ZNF141: variants seen among roughly 807,000 people sequenced by gnomAD.
ZNF141 encodes zinc finger protein 141 (clone pHZ-44).
ZNF141 carries 7 observed loss-of-function variants against 11.3 expected under a neutral mutation model. The observed-to-expected ratio is 0.62, with a 90% CI of 0.35 to 1.16. ZNF141 has a LOEUF of 1.16. Ranked by LOEUF, ZNF141 falls within the 50% of genes most tolerant of loss-of-function variation. The pLI, the probability that ZNF141 is intolerant of heterozygous loss-of-function variation, is 0.02. For synonymous variants in ZNF141, 183 were observed against 190.7 expected, an observed-to-expected ratio of 0.96 and a Z score of 0.33; for missense variants, 535 against 554.0, an observed-to-expected ratio of 0.97 and a Z score of 0.34.
At chr4:368,423 G>A (rs1469998091) in intron 3 of ZNF141, among the ~76,000 whole-genome samples, 1 of 151,996 alleles carries the variant, frequency 6.6e-6, no homozygotes. Flanking sequence ...TGTATTTTTA[G>A]TAGAGACAGG....
At chr4:371,787 G>A (rs1297442924) in intron 3 of ZNF141, among the ~76,000 whole-genome samples, 18 of 145,544 alleles carry the variant, frequency 1.2e-4, no homozygotes, top group African/African-American at 3.3e-4. Context: ...TGATCCACCC[G>A]CCTCAGCCTC....
At chr4:353,463 A>ATTTTTTT (rs782000820) in intron 3 of ZNF141, among the ~76,000 whole-genome samples, 1 of 135,444 alleles carries the variant, frequency 7.4e-6, no homozygotes, top group African/African-American at 2.9e-5. Flanking sequence ...TATTATTATT[A>ATTTTTTT]TTATTTTTTT....
chr4:343,079 C>T lies in ZNF141; in HGVS notation c.4-703C>T, dbSNP rs966330591. 3 of 415,252 alleles carry T rather than the reference C, an allele frequency of 7.2e-6. No homozygotes were observed. In the African/African-American group the frequency reaches 1.1e-4, roughly 15 times the overall value. 25.7% of individuals were successfully genotyped at this position (415,252 alleles called of 1,614,324 possible). A position where few individuals can be genotyped will look rare whatever the true frequency, so the allele number is the denominator to read the frequency against. ...TGATTAAAAAAGTATTTAAAAAGTTCCTTGCATGATTAAAAAAGTCCTTAT... is the reference window on the plus strand; with the variant it reads ...TGATTAAAAAAGTATTTAAAAAGTTTCTTGCATGATTAAAAAAGTCCTTAT... On this transcript the variant is annotated intron_variant, in intron 1 of 3. Coordinates refer to ENST00000240499, the MANE Select transcript of ZNF141 (RefSeq NM_003441.4).
At position 383,114 on chromosome 4, in the gene ZNF141, C is replaced by G. The variant is rs1192158628; in HGVS notation, c.*9252C>G. On this transcript the variant is annotated 3_prime_UTR_variant, in exon 4 of 4. Transcript: ENST00000240499. Reference sequence around the variant, plus strand: ...TTTCAGAATTCTTCCATCTCTATGACAACAAGCCCATTTTAGCTTTCTGGA... The same window carrying G: ...TTTCAGAATTCTTCCATCTCTATGAGAACAAGCCCATTTTAGCTTTCTGGA... The G allele has an allele frequency of 5.7e-6, 4 of 700,572 alleles. No individual in the cohort carries two copies. The highest frequency in any genetic ancestry group is 5.3e-5 in the African/African-American group (3 of 57,086). 43.4% of individuals were successfully genotyped at this position (700,572 alleles called of 1,614,324 possible).
chr4:379,546 T>G lies in ZNF141; in HGVS notation c.*5684T>G, dbSNP rs1015625835. ...TGCACCACCATGCCTGGCTAATTTT[T>G]ATATTGTTAGTAGAGATGCGGTTTG... On this transcript the variant is annotated 3_prime_UTR_variant, in exon 4 of 4. Transcript: ENST00000240499. 6.6e-6 allele frequency among the ~76,000 whole-genome samples: 1 copy of G among 152,140 alleles called. No homozygotes were observed. The highest frequency in any genetic ancestry group is 1.9e-4 in the East Asian group (1 of 5,166).
rs1332114919 is a variant in ZNF141 at position 380,265 on chromosome 4, T to A, written c.*6403T>A. On this transcript the variant is annotated 3_prime_UTR_variant, in exon 4 of 4. Transcript: ENST00000240499. ...AACTCACGTGATGAGAAGATATTTC[T>A]GTATTAAAGCATGTATTGGAATTCC... Among the ~76,000 whole-genome samples, 1 of 152,244 alleles carries A rather than the reference T, an allele frequency of 6.6e-6. No individual in the cohort carries two copies. Among genetic ancestry groups the A allele is most frequent in the African/African-American group, 2.4e-5 (1 of 41,468 alleles).
chr4:351,756 A>T (rs1305257618), intron 3 of ZNF141, among the ~76,000 whole-genome samples: 4 of 152,126 alleles, frequency 2.6e-5, no homozygotes, highest in Non-Finnish European at 5.9e-5. Context: ...GGTCATCAAT[A>T]GCCCCGTAAT....
intron 3 of ZNF141, among the ~76,000 whole-genome samples, chr4:367,767 G>A (rs546341222): frequency 3.9e-5 from 6 of 152,048 alleles, no homozygotes; most frequent in East Asian, 3.9e-4. Flanking sequence ...TGTCCGCCAC[G>A]GCCTCCCAAC....
intron 1 of ZNF141, among the ~76,000 whole-genome samples, chr4:341,801 G>A (rs1721064575): frequency 6.6e-6 from 1 of 152,124 alleles, no homozygotes; most frequent in African/African-American, 2.4e-5. Context: ...CTCCAGAGCT[G>A]GTGCCCACAA....
Position 373,140 on chromosome 4 carries a change from A to G in ZNF141, c.703A>G (p.Ile235Val). 6.2e-7 allele frequency: 1 copy of G among 1,613,724 alleles called. No individual in the cohort carries two copies. Among genetic ancestry groups the G allele is most frequent in the Non-Finnish European group, 8.5e-7 (1 of 1,179,888 alleles). The change falls in exon 4 of 4, where the codon ATC (isoleucine) becomes GTC (valine). Residue 235 changes from isoleucine (I) to valine (V), a missense_variant. By Grantham distance (29) the Ile-to-Val change is conservative. Coordinates refer to ENST00000240499, the MANE Select transcript of ZNF141 (RefSeq NM_003441.4). ...KPFTCEECGS[I>V]FTTSSHFAKH... ...TTTTACTTGTGAAGAATGTGGCAGCATCTTTACCACATCCTCACACTTTGC... is the reference window on the plus strand; with the variant it reads ...TTTTACTTGTGAAGAATGTGGCAGCGTCTTTACCACATCCTCACACTTTGC...
Position 381,016 on chromosome 4 carries a change from C to T in ZNF141, c.*7154C>T, listed in dbSNP as rs187171016. On this transcript the variant is annotated 3_prime_UTR_variant, in exon 4 of 4. Transcript: ENST00000240499. ...AACAGCTTTCCTTTCAACTGTCCTT[C>T]ACCACCCCTTTAGCAATTCAGAATA... 2.0e-5 allele frequency among the ~76,000 whole-genome samples: 3 copies of T among 152,274 alleles called. No homozygotes were observed. Among genetic ancestry groups the T allele is most frequent in the Admixed American group, 6.5e-5 (1 of 15,294 alleles).
chr4:373,781 T>G lies in ZNF141; in HGVS notation c.1344T>G (p.Asp448Glu), dbSNP rs782639315. 27 of 1,613,922 alleles carry G rather than the reference T, an allele frequency of 1.7e-5. No individual in the cohort carries two copies. Among genetic ancestry groups the G allele is most frequent in the Non-Finnish European group, 8.5e-7 (1 of 1,179,962 alleles). ...AACATAAGAAAATTCATACTGTAGA[T>G]AAACCCTACAAATGTAAAGATTGTG... ...LSQHKKIHTV[D>E]KPYKCKDCDK... The change falls in exon 4 of 4, where the codon GAT becomes GAG. Residue 448 changes from aspartate to glutamate, a missense_variant. Physicochemically the swap from Asp to Glu is conservative, Grantham distance 45. Transcript: ENST00000240499.
At chr4:357,251 G>A (rs1721884640) in intron 3 of ZNF141, among the ~76,000 whole-genome samples, 1 of 152,052 alleles carries the variant, frequency 6.6e-6, no homozygotes, top group African/African-American at 2.4e-5. Flanking sequence ...ATCAGGCCCA[G>A]TCATTTCTTT....
intron 3 of ZNF141, among the ~76,000 whole-genome samples, chr4:353,997 G>C (rs1721734483): frequency 6.6e-6 from 1 of 152,192 alleles, no homozygotes; most frequent in South Asian, 2.1e-4. Context: ...GAGCACCTCT[G>C]CTTCTAGGGT....
chr4:367,315 T>C (rs1338843725), intron 3 of ZNF141, among the ~76,000 whole-genome samples: 4 of 152,216 alleles, frequency 2.6e-5, no homozygotes, highest in Admixed American at 2.6e-4. Context: ...AGTTGTTTAC[T>C]TGTTCTGTTT....
chr4:368,931 G>A (rs1581620775), intron 3 of ZNF141, among the ~76,000 whole-genome samples: 1 of 152,142 alleles, frequency 6.6e-6, no homozygotes, highest in Admixed American at 6.6e-5. Flanking sequence ...GACAGGGATT[G>A]CATTTAATCT....
In ZNF141 at chr4:350,318, C is replaced by G. The variant is rs1721535793; in HGVS notation, c.226+5888C>G. ...CTAACCATAGGCAAGCACCTTTCTACTTCTGCTTTCTATGTGCTTACTACT... is the reference window on the plus strand; with the variant it reads ...CTAACCATAGGCAAGCACCTTTCTAGTTCTGCTTTCTATGTGCTTACTACT... On this transcript the variant is annotated intron_variant, in intron 3 of 3. Coordinates refer to ENST00000240499, the MANE Select transcript of ZNF141 (RefSeq NM_003441.4). The G allele has an allele frequency of 8.9e-6, 4 of 449,106 alleles. No individual in the cohort carries two copies. In the Admixed American group the frequency reaches 1.0e-4, roughly 12 times the overall value. 27.8% of individuals were successfully genotyped at this position (449,106 alleles called of 1,614,324 possible).
intron 3 of ZNF141, among the ~76,000 whole-genome samples, chr4:352,622 A>G (rs1326871799): frequency 6.6e-6 from 1 of 152,076 alleles, no homozygotes; most frequent in Non-Finnish European, 1.5e-5. Context: ...TGAAAAGGGT[A>G]TTTCTTTGCA....
At chr4:352,832 A>C (rs1721666327) in intron 3 of ZNF141, among the ~76,000 whole-genome samples, 1 of 152,124 alleles carries the variant, frequency 6.6e-6, no homozygotes, top group African/African-American at 2.4e-5. Flanking sequence ...GAGTAGTTTT[A>C]TCAAATTATT....
Sources: gnomAD v4.1 joint callset for allele counts (sites outside exome capture counted in the v4.1 genomes callset) on GRCh38, gnomAD v4.1.1 for gene constraint, MANE v1.5 for transcripts, NCBI Gene and HGNC (gene_info 2026-07-23, HGNC 2026-07-21) for gene names.